The following CACNB4 variants were observed in gnomAD, a reference collection of about 807,000 sequenced individuals.
CACNB4 encodes the protein voltage-dependent L-type calcium channel subunit beta-4.
In CACNB4, 32 loss-of-function variants were observed where a neutral mutation model predicts 71.2. That is an observed-to-expected ratio of 0.45 (90% CI 0.34 to 0.60). The LOEUF (loss-of-function observed/expected upper bound fraction) is 0.60, where lower values mean the gene tolerates loss of function less well. Ranked by LOEUF, CACNB4 falls within the 20% of genes least tolerant of loss-of-function variation. The pLI is 0.01. For synonymous variants in CACNB4, 231 were observed against 236.9 expected (o/e 0.97, Z 0.23); for missense variants, 464 against 647.9 (o/e 0.72, Z 3.08).
intron 2 of CACNB4, among the ~76,000 whole-genome samples, chr2:152,032,085 CA>C (rs1420307456): frequency 6.6e-6 from 1 of 151,840 alleles, no homozygotes; most frequent in African/African-American, 2.4e-5. Context: ...AAGGATGTGG[CA>C]AATAGAGAGA....
At chr2:151,969,571 T>A (rs2099871985) in intron 2 of CACNB4, 1 of 152,200 alleles carries the variant, frequency 6.6e-6, no homozygotes, top group South Asian at 2.1e-4. Context: ...ATCTCCCACT[T>A]AGCATTAACC....
chr2:151,963,275 G>A (rs192053941), intron 2 of CACNB4, among the ~76,000 whole-genome samples: 3 of 140,416 alleles, frequency 2.1e-5, no homozygotes, highest in African/African-American at 5.5e-5. Flanking sequence ...TTGCGCCACT[G>A]CACTCCAGCC....
At chr2:151,870,184 C>A (rs766300651) in intron 8 of CACNB4, 1 of 673,612 alleles carries the variant, frequency 1.5e-6, no homozygotes, top group Non-Finnish European at 2.7e-6. Context: ...TCCTCTTGTG[C>A]TGTTCATTCT....
At position 151,883,297 on chromosome 2, in the gene CACNB4, C is replaced by T. The variant is rs747947877; in HGVS notation, c.221G>A (p.Arg74Gln). 13 of 1,613,882 alleles carry T rather than the reference C, an allele frequency of 8.1e-6. No individual in the cohort carries two copies. Among genetic ancestry groups the T allele is most frequent in the Non-Finnish European group, 1.1e-5 (13 of 1,179,776 alleles). ...AGCTGCTTGCTGTTCTCTCTCCTGT[C>T]GAATTGCTTCCCGGTCCTCTTCCAA... is the stretch of plus-strand genomic sequence containing the variant. ...VSLEEDREAI[R>Q]QEREQQAAIQ... Residue 74 changes from arginine (R) to glutamine (Q), a missense_variant, in exon 3 of 14, where the codon CGA becomes CAA. This residue lies in a region of CACNB4 where 299 missense variants were observed against 471.7 expected (regional missense o/e 0.63). Coordinates refer to ENST00000539935, the MANE Select transcript of CACNB4 (RefSeq NM_000726.5).
At position 151,855,147 on chromosome 2, in the gene CACNB4, C is replaced by A. The variant is rs943869919; in HGVS notation, c.1020+77G>T. 6 of 1,006,344 alleles carry A rather than the reference C, an allele frequency of 6.0e-6. No individual in the cohort carries two copies. In the African/African-American group the frequency reaches 6.4e-5, roughly 11 times the overall value. 62.3% of individuals were successfully genotyped at this position (1,006,344 alleles called of 1,614,324 possible). A position where few individuals can be genotyped will look rare whatever the true frequency, so the allele number is the denominator to read the frequency against. Reference sequence around the variant, plus strand: ...TCAGCAAGACGTTCTCCTTTGTCCACTAACAAAAAACCACAGAGCAAAACA... The same window carrying A: ...TCAGCAAGACGTTCTCCTTTGTCCAATAACAAAAAACCACAGAGCAAAACA... On this transcript the variant is annotated intron_variant, in intron 11 of 13. Coordinates refer to ENST00000539935, the MANE Select transcript of CACNB4 (RefSeq NM_000726.5).
intron 2 of CACNB4, among the ~76,000 whole-genome samples, chr2:152,065,387 GAA>G (rs35453162): frequency 3.2e-4 from 41 of 129,726 alleles, no homozygotes; most frequent in Admixed American, 8.5e-4. Flanking sequence ...CATCTCAAAA[GAA>G]AAAAAAAAAA....
chr2:152,096,795 TTTTG>T (rs1209407108), intron 2 of CACNB4, among the ~76,000 whole-genome samples: 1 of 152,222 alleles, frequency 6.6e-6, no homozygotes. Context: ...TAGAATATTA[TTTTG>T]TTTGTGCTTG....
In CACNB4 at chr2:151,875,631, T is replaced by C. The variant is rs1248725066; in HGVS notation, c.521+795A>G. On this transcript the variant is annotated intron_variant, in intron 5 of 13. Transcript: ENST00000539935. ...GCTCGCCAGGCAGGGGGCTGACCCC[T>C]CCACCTCCCTCCCGGACGGGGCGGC... 3.9e-3 allele frequency among the ~76,000 whole-genome samples: 428 copies of C among 110,998 alleles called. 3 individuals carry two copies. Among genetic ancestry groups the C allele is most frequent in the African/African-American group, 0.014 (359 of 26,070 alleles). The allele number at this position is 110,998 out of a possible 152,430, so 72.8% of individuals were successfully genotyped here.
At chr2:152,062,649 G>A (rs1050215924) in intron 2 of CACNB4, among the ~76,000 whole-genome samples, 3 of 152,080 alleles carry the variant, frequency 2.0e-5, no homozygotes, top group African/African-American at 4.8e-5. Flanking sequence ...AGCACTGAAC[G>A]TGGAACGGCT....
intron 2 of CACNB4, among the ~76,000 whole-genome samples, chr2:152,017,197 C>T (rs1683393724): frequency 6.7e-6 from 1 of 149,974 alleles, no homozygotes; most frequent in Non-Finnish European, 1.5e-5. Context: ...AATGTATATT[C>T]CTGGGTCTTC....
At chr2:151,927,330 C>A (rs1237610226) in intron 2 of CACNB4, among the ~76,000 whole-genome samples, 1 of 152,080 alleles carries the variant, frequency 6.6e-6, no homozygotes, top group East Asian at 1.9e-4. Context: ...GAATCTAACA[C>A]ACAAGGGGAG....
intron 11 of CACNB4, chr2:151,854,086 G>A (rs2099839673): frequency 6.6e-6 from 1 of 152,586 alleles, no homozygotes; most frequent in African/African-American, 2.4e-5. Context: ...TATGTCTTTT[G>A]GCCACTGCTG....
chr2:152,074,189 A>G (rs1449061194), intron 2 of CACNB4, among the ~76,000 whole-genome samples: 2 of 151,942 alleles, frequency 1.3e-5, no homozygotes, highest in African/African-American at 4.8e-5. Flanking sequence ...AGAACCACCA[A>G]CACTACCACC....
At position 152,016,925 on chromosome 2, in the gene CACNB4, A is replaced by C. The variant is rs1683377641; in HGVS notation, c.147+81405T>G. On this transcript the variant is annotated intron_variant, in intron 2 of 13. Transcript: ENST00000539935. ...CTTTATTATCATCTTCCTTTTATAC[A>C]CAGGGGAAATGAGGCAAAGAGAGTT... Among the ~76,000 whole-genome samples, 2 of 152,224 alleles carry C rather than the reference A, an allele frequency of 1.3e-5. 1 individual carries two copies. Among genetic ancestry groups the C allele is most frequent in the South Asian group, 4.1e-4 (2 of 4,830 alleles).
intron 2 of CACNB4, among the ~76,000 whole-genome samples, chr2:152,005,185 G>A (rs1180066279): frequency 1.3e-5 from 2 of 152,124 alleles, no homozygotes; most frequent in South Asian, 2.1e-4. Flanking sequence ...CTACTCAAAG[G>A]AGAATGAATC....
At chr2:152,079,383 C>T (rs1326470564) in intron 2 of CACNB4, among the ~76,000 whole-genome samples, 9 of 152,062 alleles carry the variant, frequency 5.9e-5, no homozygotes, top group African/African-American at 1.4e-4. Flanking sequence ...CCACCACGCC[C>T]GGCCGTGTTG....
At chr2:151,886,523 C>T (rs147469622) in intron 2 of CACNB4, among the ~76,000 whole-genome samples, 248 of 152,318 alleles carry the variant, frequency 1.6e-3, no homozygotes, top group African/African-American at 5.7e-3. Context: ...GTGAATGACA[C>T]TGTAAGAATC....
chr2:152,082,392 G>C (rs1687405509), intron 2 of CACNB4, among the ~76,000 whole-genome samples: 1 of 152,210 alleles, frequency 6.6e-6, no homozygotes, highest in African/African-American at 2.4e-5. Flanking sequence ...TTCTGCCAAA[G>C]CTGCAAAATA....
chr2:151,844,020 C>T (rs1356795617), intron 12 of CACNB4, among the ~76,000 whole-genome samples: 1 of 152,172 alleles, frequency 6.6e-6, no homozygotes, highest in Admixed American at 6.5e-5. Context: ...TTTGAGAAGA[C>T]TTAGCCAGTT....
Sources: allele counts gnomAD v4.1 joint callset (sites outside exome capture counted in the v4.1 genomes callset), GRCh38; gene constraint gnomAD v4.1.1; regional missense constraint gnomAD v4.1.1; transcripts MANE v1.5; gene names NCBI Gene and HGNC (gene_info 2026-07-23, HGNC 2026-07-21).